Variants in HAPLN2 observed in about 807,000 individuals in gnomAD.
HAPLN2 encodes brain link protein-1.
In HAPLN2, 27 loss-of-function variants were observed where a neutral mutation model predicts 29.3. The observed-to-expected ratio is 0.92, with a 90% CI of 0.68 to 1.27. The LOEUF is 1.27. Among genes scored for constraint, HAPLN2 ranks in the 50% most tolerant of loss-of-function variants. The probability of loss-of-function intolerance (pLI) is 0.00; values close to 1 mark genes in which losing one functional copy is unlikely to be tolerated. For missense variants in HAPLN2, 454 were observed against 484.3 expected (o/e 0.94, Z 0.59); for synonymous variants, 208 against 211.7 (o/e 0.98, Z 0.15).
chr1:156,625,622 C>T lies in HAPLN2; in HGVS notation c.*238C>T. 2.2e-6 allele frequency: 1 copy of T among 459,220 alleles called. No individual in the cohort carries two copies. Among genetic ancestry groups the T allele is most frequent in the Non-Finnish European group, 3.8e-6 (1 of 263,704 alleles). 28.4% of individuals were successfully genotyped at this position (459,220 alleles called of 1,614,324 possible). A position where few individuals can be genotyped will look rare whatever the true frequency, so the allele number is the denominator to read the frequency against. ...GGTGACCCTCGGACCCGCTGCCGTT[C>T]GCGAACCCTAGCAGAGGACTCAGCC... On this transcript the variant is annotated 3_prime_UTR_variant, in exon 7 of 7. Coordinates refer to ENST00000255039, the MANE Select transcript of HAPLN2 (RefSeq NM_021817.3). The surrounding 1 kb of genome is among the most constrained non-coding windows in gnomAD (Gnocchi z 5.7).
In HAPLN2 at chr1:156,625,363, C is replaced by G; in HGVS notation, c.1002C>G (p.Thr334=). Reference sequence around the variant, plus strand: ...GGCCCCAACAGGCAGCCTATGGGACCTACTGCTACGCCGAGAATTAGGCGC... The same window carrying G: ...GGCCCCAACAGGCAGCCTATGGGACGTACTGCTACGCCGAGAATTAGGCGC... The part of the protein sequence containing the change: ...FPRPQQAAYG[T]YCYAEN The change falls in exon 7 of 7, where the codon ACC becomes ACG. Residue 334 remains threonine (T), a synonymous_variant. Coordinates refer to ENST00000255039, the MANE Select transcript of HAPLN2 (RefSeq NM_021817.3). The surrounding 1 kb of genome is among the most constrained non-coding windows in gnomAD (Gnocchi z 5.7). 1 of 1,599,942 alleles carries G rather than the reference C, an allele frequency of 6.3e-7. No individual in the cohort carries two copies. The highest frequency in any genetic ancestry group is 1.1e-5 in the South Asian group (1 of 89,196).
the HAPLN2 span, among the ~76,000 whole-genome samples, chr1:156,605,457 G>A: frequency 2.6e-5 from 4 of 151,464 alleles, no homozygotes; most frequent in South Asian, 4.2e-4. Context: ...AAAATTAGCC[G>A]GGTGCAGTGA....
the HAPLN2 span, among the ~76,000 whole-genome samples, chr1:156,613,572 CA>C: frequency 1.3e-5 from 2 of 152,078 alleles, no homozygotes; most frequent in Non-Finnish European, 2.9e-5. Context: ...ACTGTGACAA[CA>C]AAGTCACATT....
intron 2 of HAPLN2, among the ~76,000 whole-genome samples, chr1:156,621,442 G>A (rs1490004743): frequency 3.3e-5 from 5 of 151,698 alleles, no homozygotes; most frequent in Admixed American, 1.3e-4. Context: ...GGATAAGAAT[G>A]ATACAATAGG....
chr1:156,612,040 C>T, the HAPLN2 span, among the ~76,000 whole-genome samples: 3 of 152,012 alleles, frequency 2.0e-5, no homozygotes, highest in African/African-American at 2.4e-5. Flanking sequence ...TTTTTTGAGA[C>T]GGAGTTTTGT....
At chr1:156,601,523 G>A in the HAPLN2 span, 1 of 1,488,892 alleles carries the variant, frequency 6.7e-7, no homozygotes, top group Non-Finnish European at 9.2e-7. Context: ...AGAGACGTCC[G>A]CGGGAACCAA....
rs1678323587 is a variant in HAPLN2, at chr1:156,623,484, C to A, written c.-7C>A. 1.2e-6 allele frequency: 2 copies of A among 1,613,894 alleles called. No homozygotes were observed. The highest frequency in any genetic ancestry group is 3.3e-5 in the Admixed American group (2 of 59,984). On this transcript the variant is annotated 5_prime_UTR_variant, in exon 3 of 7. Coordinates refer to ENST00000255039, the MANE Select transcript of HAPLN2 (RefSeq NM_021817.3). ...CCCTGCAGACGGTGCCGGGCTGACCCCCCATCATGCCAGGCTGGCTCACCC... is the reference window on the plus strand; with the variant it reads ...CCCTGCAGACGGTGCCGGGCTGACCACCCATCATGCCAGGCTGGCTCACCC...
chr1:156,625,021 AC>A lies in HAPLN2; in HGVS notation c.740-76del. 2 of 1,467,834 alleles carry A rather than the reference AC, an allele frequency of 1.4e-6. No individual in the cohort carries two copies. Among genetic ancestry groups the A allele is most frequent in the Non-Finnish European group, 1.8e-6 (2 of 1,105,320 alleles). The allele number at this position is 1,467,834 out of a possible 1,614,324, so 90.9% of individuals were successfully genotyped here. A position where few individuals can be genotyped will look rare whatever the true frequency, so the allele number is the denominator to read the frequency against. ...CGATCCAGCACCTCTGCGGTCCCGC[AC>A]CCCAACTCCGCCTCCTGGGTGTCAG... On this transcript the variant is annotated intron_variant, in intron 6 of 6. Coordinates refer to ENST00000255039, the MANE Select transcript of HAPLN2 (RefSeq NM_021817.3). The surrounding 1 kb of genome is among the most constrained non-coding windows in gnomAD (Gnocchi z 5.7).
chr1:156,612,822 A>C, the HAPLN2 span, among the ~76,000 whole-genome samples: 2 of 151,898 alleles, frequency 1.3e-5, no homozygotes, highest in African/African-American at 4.8e-5. Flanking sequence ...CTTCCTAAAA[A>C]CTCTTGCAGT....
At chr1:156,608,571 C>T in the HAPLN2 span, among the ~76,000 whole-genome samples, 7,947 of 151,520 alleles carry the variant, frequency 0.052, 294 homozygotes, top group African/African-American at 0.1. Context: ...AAGACAGAGT[C>T]GCACTCTGTC....
chr1:156,609,328 A>G, the HAPLN2 span, among the ~76,000 whole-genome samples: 1,813 of 152,324 alleles, frequency 0.012, 40 homozygotes, highest in African/African-American at 0.042. Context: ...AAATATATTC[A>G]TACACATCTT....
chr1:156,623,077 T>TAAAA (rs1034541693), intron 2 of HAPLN2, among the ~76,000 whole-genome samples: 1 of 124,592 alleles, frequency 8.0e-6, no homozygotes. Flanking sequence ...AATAAATAAA[T>TAAAA]AAAATAAAAA....
the HAPLN2 span, among the ~76,000 whole-genome samples, chr1:156,603,138 G>A: frequency 0.055 from 8,439 of 152,080 alleles, 340 homozygotes; most frequent in African/African-American, 0.11. Context: ...CTTAGAGATG[G>A]ATTCAACAGA....
At chr1:156,615,297 G>A (rs989208659), upstream of HAPLN2, 12 of 152,198 alleles carry the variant, frequency 7.9e-5, no homozygotes, top group African/African-American at 2.9e-4. Context: ...AGTAAGCCTT[G>A]CATACTTCAG....
chr1:156,618,160 T>G (rs1266952486), upstream of HAPLN2, among the ~76,000 whole-genome samples: 2 of 151,580 alleles, frequency 1.3e-5, no homozygotes, highest in Non-Finnish European at 2.9e-5. Flanking sequence ...TATCTTGGCG[T>G]GGTGGCGCAC....
the HAPLN2 span, among the ~76,000 whole-genome samples, chr1:156,609,661 A>G: frequency 6.6e-6 from 1 of 152,180 alleles, no homozygotes; most frequent in African/African-American, 2.4e-5. Context: ...AGTTGTTGCG[A>G]CCTTTAGCAA....
At chr1:156,621,178 C>T (rs1161357848) in intron 2 of HAPLN2, among the ~76,000 whole-genome samples, 1 of 147,714 alleles carries the variant, frequency 6.8e-6, no homozygotes, top group Non-Finnish European at 1.5e-5. Context: ...AATCTTGGCT[C>T]ACTGCAGCCT....
chr1:156,602,083 A>G, the HAPLN2 span, among the ~76,000 whole-genome samples: 1 of 151,928 alleles, frequency 6.6e-6, no homozygotes, highest in Non-Finnish European at 1.5e-5. Flanking sequence ...TACCACAGTC[A>G]TGCACCGCCA....
chr1:156,608,918 G>A, the HAPLN2 span, among the ~76,000 whole-genome samples: 1 of 152,134 alleles, frequency 6.6e-6, no homozygotes, highest in African/African-American at 2.4e-5. Context: ...AGATACATCA[G>A]TAAAGATGCT....
Sources: allele counts gnomAD v4.1 joint callset (sites outside exome capture counted in the v4.1 genomes callset), GRCh38; gene constraint gnomAD v4.1.1; non-coding constraint Gnocchi (gnomAD v3.1); transcripts MANE v1.5; gene names NCBI Gene and HGNC (gene_info 2026-07-23, HGNC 2026-07-21).